The following ARID1A variants were observed in gnomAD, a reference collection of about 807,000 sequenced individuals.
ARID1A encodes AT-rich interactive domain-containing protein 1A.
In ARID1A, 20 loss-of-function variants were observed where a neutral mutation model predicts 212.6. That is an observed-to-expected ratio of 0.09 (90% CI 0.07 to 0.14). The LOEUF (loss-of-function observed/expected upper bound fraction) is 0.14, where lower values mean the gene tolerates loss of function less well. Ranked by LOEUF, ARID1A falls within the 10% of genes least tolerant of loss-of-function variation. The pLI is 1.00. For missense variants in ARID1A, 2,587 were observed against 3,059.0 expected (o/e 0.85, Z 3.64); for synonymous variants, 1,376 against 1,222.1 (o/e 1.13, Z -2.63).
intron 4 of ARID1A, among the ~76,000 whole-genome samples, chr1:26,737,019 CTT>C (rs1488622708): frequency 6.6e-6 from 1 of 151,860 alleles, no homozygotes; most frequent in Non-Finnish European, 1.5e-5. Context: ...ACAGGTAAAA[CTT>C]TATATAGCTC....
intron 4 of ARID1A, among the ~76,000 whole-genome samples, chr1:26,740,690 C>A (rs1378466538): frequency 6.6e-6 from 1 of 152,142 alleles, no homozygotes; most frequent in African/African-American, 2.4e-5. Flanking sequence ...TAATGTTTTA[C>A]AAAAATGATC....
rs2124788921 is a variant in ARID1A, at chr1:26,731,357, C to G, written c.1556C>G (p.Ser519Cys). ...CTCCAGTCCTCTCAGCCTCCATACT[C>G]CCAGCAGCCATCCCAGCCTCCACAT... ...PQLQSSQPPY[S>C]QQPSQPPHQQ... Residue 519 changes from serine to cysteine, a missense_variant, in exon 3 of 20, where the codon TCC becomes TGC. Around this residue, in one of 11 missense-constraint regions of ARID1A, gnomAD observed 674 missense variants for 813.4 expected, o/e 0.83. Transcript: ENST00000324856. The G allele has an allele frequency of 6.2e-7, 1 of 1,613,946 alleles. No individual in the cohort carries two copies. The highest frequency in any genetic ancestry group is 8.5e-7 in the Non-Finnish European group (1 of 1,179,988).
At chr1:26,723,838 G>T (rs926824512) in intron 1 of ARID1A, among the ~76,000 whole-genome samples, 1 of 151,884 alleles carries the variant, frequency 6.6e-6, no homozygotes, top group Admixed American at 6.6e-5. Context: ...AACCACTCGC[G>T]CTCTCATACT....
rs2124149657 is a variant in ARID1A, at chr1:26,780,389, G to A, written c.6491G>A (p.Arg2164Gln). 3.1e-6 allele frequency: 5 copies of A among 1,614,244 alleles called. No homozygotes were observed. The highest frequency in any genetic ancestry group is 4.2e-6 in the Non-Finnish European group (5 of 1,180,034). The change falls in exon 20 of 20, where the codon CGG (arginine) becomes CAG (glutamine). Residue 2164 changes from arginine to glutamine, a missense_variant. Around this residue, in one of 11 missense-constraint regions of ARID1A, gnomAD observed 168 missense variants for 321.0 expected, o/e 0.52. Transcript: ENST00000324856. The surrounding 1 kb of genome is among the most constrained non-coding windows in gnomAD (Gnocchi z 7.2). ...AGTGACCGAAAGAACCCGGTGTGCCGGGAGATGGCTGTGGTACTGCTGGCC... is the reference window on the plus strand; with the variant it reads ...AGTGACCGAAAGAACCCGGTGTGCCAGGAGATGGCTGTGGTACTGCTGGCC... ...FLSDRKNPVC[R>Q]EMAVVLLANL... is the part of the protein sequence containing the mutation.
chr1:26,773,698 C>CAGT lies in ARID1A; in HGVS notation c.3987_3988insTAG (p.Gln1329_Gln1330insTer). ...TCCTAGCCGCTACCCCCCGCAGCAG[C>CAGT]AGCAGCAGCAGCAGCAACGGTGAGT... is the stretch of plus-strand genomic sequence containing the variant. On this transcript the variant is annotated stop_gained and inframe_insertion, in exon 16 of 20. Coordinates refer to ENST00000324856, the MANE Select transcript of ARID1A (RefSeq NM_006015.6). LOFTEE classifies it high-confidence loss of function. The CAGT allele has an allele frequency of 6.2e-7, 1 of 1,613,960 alleles. No homozygotes were observed. Among genetic ancestry groups the CAGT allele is most frequent in the Non-Finnish European group, 8.5e-7 (1 of 1,179,882 alleles).
intron 1 of ARID1A, among the ~76,000 whole-genome samples, chr1:26,703,233 A>G (rs2080347856): frequency 6.6e-6 from 1 of 152,202 alleles, no homozygotes; most frequent in Admixed American, 6.5e-5. Context: ...ATGTGAGTAG[A>G]TACAGTCTTT....
At chr1:26,767,677 A>C in intron 10 of ARID1A, 113 bp from the exon 11 acceptor site, 1 of 1,111,812 alleles carries the variant, frequency 9.0e-7, no homozygotes, top group Non-Finnish European at 1.3e-6. Context: ...AGGTGTTAGT[A>C]ACCACCCCAG....
Position 26,773,610 on chromosome 1 carries a change from C to G in ARID1A, c.3897C>G (p.Asn1299Lys), listed in dbSNP as rs2081104376. The stretch of plus-strand genomic sequence containing the variant: ...AGCCTGGAATAGGGCCTGAGGGAAA[C>G]ATGAGCACTGGGGCCCCACAGCCGA... The part of the protein sequence containing the change: ...RTEPGIGPEG[N>K]MSTGAPQPNL... Residue 1299 changes from asparagine to lysine, a missense_variant, in exon 16 of 20, where the codon AAC (asparagine) becomes AAG (lysine). Around this residue, in one of 11 missense-constraint regions of ARID1A, gnomAD observed 890 missense variants for 1,098.2 expected, o/e 0.81. Coordinates refer to ENST00000324856, the MANE Select transcript of ARID1A (RefSeq NM_006015.6). 1 of 1,614,194 alleles carries G rather than the reference C, an allele frequency of 6.2e-7. No individual in the cohort carries two copies. The highest frequency in any genetic ancestry group is 8.5e-7 in the Non-Finnish European group (1 of 1,180,036).
At chr1:26,709,016 C>G (rs918001018) in intron 1 of ARID1A, among the ~76,000 whole-genome samples, 2 of 152,160 alleles carry the variant, frequency 1.3e-5, no homozygotes, top group African/African-American at 4.8e-5. Context: ...TAATTTGCCA[C>G]TTGGGGGAAA....
At position 26,732,744 on chromosome 1, in the gene ARID1A, G is replaced by T. The variant is rs1314604670; in HGVS notation, c.1872G>T (p.Gly624=). The change falls in exon 4 of 20, where the codon GGG becomes GGT. Residue 624 remains glycine, a synonymous_variant. Coordinates refer to ENST00000324856, the MANE Select transcript of ARID1A (RefSeq NM_006015.6). ...CCTCAATGACCTCCAGTAAGGGAGG[G>T]CAAGAAGATATGAACCTGAGCCTTC... ...SAPSMTSSKG[G]QEDMNLSLQS... 6.2e-7 allele frequency: 1 copy of T among 1,613,994 alleles called. No individual in the cohort carries two copies. Among genetic ancestry groups the T allele is most frequent in the African/African-American group, 1.3e-5 (1 of 74,908 alleles).
rs1450841040 is a variant in ARID1A at position 26,697,059 on chromosome 1, G to A, written c.656G>A (p.Arg219His). ...CAGTACAACTCCTACTACCCCAACC[G>A]CAGCGCCTACCCCCCGCCCGCCCCG... is the stretch of plus-strand genomic sequence containing the variant. Reference protein sequence around the residue: ...NHQYNSYYPNRSAYPPPAPAY... With the variant: ...NHQYNSYYPNHSAYPPPAPAY... Residue 219 changes from arginine (R) to histidine (H), a missense_variant, in exon 1 of 20, where the codon CGC becomes CAC. Physicochemically the swap from Arg to His is conservative, Grantham distance 29. Around this residue, in one of 11 missense-constraint regions of ARID1A, gnomAD observed 735 missense variants for 590.6 expected, o/e 1.24. Coordinates refer to ENST00000324856, the MANE Select transcript of ARID1A (RefSeq NM_006015.6). The A allele has an allele frequency of 1.3e-6, 2 of 1,521,898 alleles. No individual in the cohort carries two copies. Among genetic ancestry groups the A allele is most frequent in the Non-Finnish European group, 8.8e-7 (1 of 1,138,612 alleles). 94.3% of individuals were successfully genotyped at this position (1,521,898 alleles called of 1,614,324 possible). A position where few individuals can be genotyped will look rare whatever the true frequency, so the allele number is the denominator to read the frequency against.
rs773708811 is a variant in ARID1A, at chr1:26,779,006, G to C, written c.5125-17G>C. 1 of 1,499,316 alleles carries C rather than the reference G, an allele frequency of 6.7e-7. No individual in the cohort carries two copies. The highest frequency in any genetic ancestry group is 1.4e-5 in the African/African-American group (1 of 71,414). 92.9% of individuals were successfully genotyped at this position (1,499,316 alleles called of 1,614,324 possible). On this transcript the variant is annotated splice_polypyrimidine_tract_variant and intron_variant, in intron 19 of 19. Coordinates refer to ENST00000324856, the MANE Select transcript of ARID1A (RefSeq NM_006015.6). ...ACTTTTCTCCCTTAATTTATTTCCTGTTCTTTCTCTTTTTAGCTCCCAGGG... is the reference window on the plus strand; with the variant it reads ...ACTTTTCTCCCTTAATTTATTTCCTCTTCTTTCTCTTTTTAGCTCCCAGGG...
chr1:26,698,036 G>C (rs2080295490), intron 1 of ARID1A, among the ~76,000 whole-genome samples: 1 of 152,108 alleles, frequency 6.6e-6, no homozygotes, highest in South Asian at 2.1e-4. Context: ...CGAGGGGAGG[G>C]CAGGGGACTG....
intron 4 of ARID1A, among the ~76,000 whole-genome samples, chr1:26,744,788 G>A (rs1039450454): frequency 4.6e-5 from 7 of 152,216 alleles, no homozygotes; most frequent in African/African-American, 1.2e-4. Flanking sequence ...AAAAGAAAGC[G>A]TGTGCTGACT....
Position 26,709,396 on chromosome 1 carries a change from C to T in ARID1A, c.1137+11856C>T, listed in dbSNP as rs746790364. On this transcript the variant is annotated intron_variant, in intron 1 of 19. Transcript: ENST00000324856. Reference sequence around the variant, plus strand: ...CATTCTCCTCCCCTGCACCCAGCACCCCTGGAATGCTACCACCCTGCTCCA... The same window carrying T: ...CATTCTCCTCCCCTGCACCCAGCACTCCTGGAATGCTACCACCCTGCTCCA... Among the ~76,000 whole-genome samples the T allele has an allele frequency of 5.3e-5, 8 of 152,200 alleles. No individual in the cohort carries two copies. In the East Asian group the frequency reaches 1.2e-3, roughly 22 times the overall value.
chr1:26,754,323 C>A (rs2080909797), intron 4 of ARID1A, among the ~76,000 whole-genome samples: 1 of 152,168 alleles, frequency 6.6e-6, no homozygotes, highest in African/African-American at 2.4e-5. Context: ...GGCAGGACAT[C>A]TTTTGGAGAC....
chr1:26,701,343 A>G (rs911253165), intron 1 of ARID1A, among the ~76,000 whole-genome samples: 1 of 152,176 alleles, frequency 6.6e-6, no homozygotes, highest in African/African-American at 2.4e-5. Context: ...TGGGGCTTGA[A>G]TGGAGTCCTG....
In ARID1A at chr1:26,771,054, T is replaced by G. The variant is rs1468082915; in HGVS notation, c.3199-65T>G. On this transcript the variant is annotated intron_variant, in intron 11 of 19. Transcript: ENST00000324856. The surrounding 1 kb of genome is among the most constrained non-coding windows in gnomAD (Gnocchi z 5.4). ...GAATACCTTACAGCCTGATGGGGCT[T>G]GGGGCTTATGGGCAGGAAAACCAGG... is the stretch of plus-strand genomic sequence containing the variant. 1 of 1,450,696 alleles carries G rather than the reference T, an allele frequency of 6.9e-7. No individual in the cohort carries two copies. Among genetic ancestry groups the G allele is most frequent in the African/African-American group, 1.4e-5 (1 of 71,476 alleles). The allele number at this position is 1,450,696 out of a possible 1,614,324, so 89.9% of individuals were successfully genotyped here.
At chr1:26,712,180 AG>A (rs2080461048) in intron 1 of ARID1A, among the ~76,000 whole-genome samples, 1 of 152,190 alleles carries the variant, frequency 6.6e-6, no homozygotes. Context: ...TGCCACTTAA[AG>A]GTCAGTGTTG....
Sources: gnomAD v4.1 joint callset for allele counts (sites outside exome capture counted in the v4.1 genomes callset) on GRCh38, gnomAD v4.1.1 for gene constraint, gnomAD v4.1.1 regional missense constraint, Gnocchi (gnomAD v3.1) non-coding constraint, MANE v1.5 for transcripts, NCBI Gene and HGNC (gene_info 2026-07-23, HGNC 2026-07-21) for gene names.